WIZ: variants seen among roughly 807,000 people sequenced by gnomAD.
WIZ encodes WIZ zinc finger, also known as protein Wiz.
Under a neutral mutation model 140.2 loss-of-function variants are expected in WIZ, and 25 were observed. That is an observed-to-expected ratio of 0.18 (90% confidence interval 0.13 to 0.25). The LOEUF is 0.25. Ranked by LOEUF, WIZ falls within the 10% of genes least tolerant of loss-of-function variation. The pLI is 1.00. For synonymous variants in WIZ, 1,125 were observed against 1,154.3 expected (o/e 0.97, Z 0.51); for missense variants, 2,231 against 2,632.6 (o/e 0.85, Z 3.34).
intron 2 of WIZ, among the ~76,000 whole-genome samples, chr19:15,446,398 G>A (rs535409899): frequency 2.0e-5 from 3 of 152,280 alleles, no homozygotes; most frequent in Non-Finnish European, 4.4e-5. Flanking sequence ...CTGGCCGGCT[G>A]TGCGACCTGG....
chr19:15,437,675 A>G (rs1450770852), intron 4 of WIZ, among the ~76,000 whole-genome samples: 2 of 152,250 alleles, frequency 1.3e-5, no homozygotes, highest in Non-Finnish European at 2.9e-5. Flanking sequence ...GAAAGAAAGA[A>G]AAAGAAATGC....
intron 5 of WIZ, among the ~76,000 whole-genome samples, chr19:15,435,210 T>G (rs1336113210): frequency 6.6e-6 from 1 of 152,032 alleles, no homozygotes; most frequent in Non-Finnish European, 1.5e-5. Flanking sequence ...AGAGTGAGAC[T>G]CTGCCTCAAA....
rs1207881819 is a variant in WIZ, at chr19:15,427,059, C to G, written c.4289G>C (p.Gly1430Ala). 6.2e-7 allele frequency: 1 copy of G among 1,614,168 alleles called. No homozygotes were observed. Among genetic ancestry groups the G allele is most frequent in the East Asian group, 2.2e-5 (1 of 44,874 alleles). ...RVEIKREMLP[G>A]ALHGELHPSE... ...TGGGTGCAGTTCCCCATGAAGGGCC[C>G]CCGGCAGCATCTCCCGCTTGATCTC... The change falls in exon 9 of 13, where the codon GGG becomes GCG. Residue 1430 changes from glycine (G) to alanine (A), a missense_variant. By Grantham distance (60) the Gly-to-Ala change is moderately conservative (BLOSUM62 0). Coordinates refer to ENST00000673675, the MANE Select transcript of WIZ (RefSeq NM_001371589.1). The surrounding 1 kb of genome is among the most constrained non-coding windows in gnomAD (Gnocchi z 6.4).
In WIZ at chr19:15,438,846, G is replaced by T. The variant is rs1355617855; in HGVS notation, c.2148C>A (p.Pro716=). The T allele has an allele frequency of 1.4e-6, 2 of 1,480,824 alleles. No individual in the cohort carries two copies. Among genetic ancestry groups the T allele is most frequent in the East Asian group, 5.0e-5 (2 of 40,164 alleles). The allele number at this position is 1,480,824 out of a possible 1,614,324, so 91.7% of individuals were successfully genotyped here. ...PEELGLAGAH[P]LDFLLLDAPL... is the part of the protein sequence containing the mutation. ...GCGCGTCCAGGAGCAGGAAGTCCAG[G>T]GGGTGGGCGCCTGCCAGCCCCAGCT... is the stretch of plus-strand genomic sequence containing the variant. The change falls in exon 4 of 13, where the codon CCC becomes CCA. Residue 716 remains proline (P), a synonymous_variant. Coordinates refer to ENST00000673675, the MANE Select transcript of WIZ (RefSeq NM_001371589.1).
rs373837488 is a variant in WIZ, at chr19:15,448,174, C to G, written c.134G>C (p.Arg45Pro). Residue 45 changes from arginine (R) to proline (P), a missense_variant, in exon 2 of 13, where the codon CGG (arginine) becomes CCG (proline). By Grantham distance (103) the Arg-to-Pro change is moderately radical. Around this residue, in one of 15 missense-constraint regions of WIZ, gnomAD observed 85 missense variants for 90.9 expected, o/e 0.94. Transcript: ENST00000673675. Reference protein sequence around the residue: ...EAAEGEGGIFRSTRYLPVTKE... With the variant: ...EAAEGEGGIFPSTRYLPVTKE... ...GGTGACAGGCAGGTAACGGGTGGACCGGAAGATGCCACCTTCCCCCTCAGC... is the reference window on the plus strand; with the variant it reads ...GGTGACAGGCAGGTAACGGGTGGACGGGAAGATGCCACCTTCCCCCTCAGC... The G allele has an allele frequency of 9.9e-6, 16 of 1,612,766 alleles. No individual in the cohort carries two copies. The South Asian group carries it at 1.8e-4, about 18-fold the overall frequency.
rs751632665 is a variant in WIZ, at chr19:15,424,164, T to G, written c.5510+19A>C. On this transcript the variant is annotated intron_variant, in intron 12 of 12. Transcript: ENST00000673675. This position sits in a 1 kb window ranked among gnomAD's most constrained non-coding sequence, Gnocchi z 9.7. Reference sequence around the variant, plus strand: ...GGTCCACTCAGGTGGTCTCCCTCCCTCCCCCAGGGGCAGCCTACCTGCATT... The same window carrying G: ...GGTCCACTCAGGTGGTCTCCCTCCCGCCCCCAGGGGCAGCCTACCTGCATT... The G allele has an allele frequency of 6.7e-7, 1 of 1,485,580 alleles. No homozygotes were observed. Among genetic ancestry groups the G allele is most frequent in the Non-Finnish European group, 8.9e-7 (1 of 1,118,424 alleles). 92.0% of individuals were successfully genotyped at this position (1,485,580 alleles called of 1,614,324 possible). A position where few individuals can be genotyped will look rare whatever the true frequency, so the allele number is the denominator to read the frequency against.
At chr19:15,441,860 T>C (rs535868111) in intron 3 of WIZ, among the ~76,000 whole-genome samples, 1 of 152,280 alleles carries the variant, frequency 6.6e-6, no homozygotes, top group South Asian at 2.1e-4. Context: ...ATATTCTTGC[T>C]CATTCTGAGA....
Position 15,427,256 on chromosome 19 carries a change from G to A in WIZ, c.4092C>T (p.Arg1364=). The A allele has an allele frequency of 1.9e-6, 3 of 1,613,846 alleles. No homozygotes were observed. Among genetic ancestry groups the A allele is most frequent in the Non-Finnish European group, 2.5e-6 (3 of 1,180,028 alleles). The part of the protein sequence containing the change: ...GAGPGSSLEA[R]SPSDLHISPL... ...GTGAGATGTGAAGGTCCGAGGGGCT[G>A]CGGGCTTCCAGTGAGCTGCCAGGAC... The change falls in exon 9 of 13, where the codon CGC becomes CGT. Residue 1364 remains arginine (R), a synonymous_variant. Transcript: ENST00000673675. The surrounding 1 kb of genome is among the most constrained non-coding windows in gnomAD (Gnocchi z 6.4).
chr19:15,427,595 GA>G lies in WIZ; in HGVS notation c.3815-63del. On this transcript the variant is annotated intron_variant, in intron 8 of 12. Transcript: ENST00000673675. This position sits in a 1 kb window ranked among gnomAD's most constrained non-coding sequence, Gnocchi z 6.4. Reference sequence around the variant, plus strand: ...GAACTGCCAGCATGGTCACCTGCAGGAGTGTCCTGGTCGGCTGGGCGTGGGC... The same window carrying G: ...GAACTGCCAGCATGGTCACCTGCAGGGTGTCCTGGTCGGCTGGGCGTGGGC... The G allele has an allele frequency of 6.5e-7, 1 of 1,536,822 alleles. No individual in the cohort carries two copies. Among genetic ancestry groups the G allele is most frequent in the Non-Finnish European group, 8.8e-7 (1 of 1,141,880 alleles).
rs116604407 is a variant in WIZ, at chr19:15,430,711, C to T, written c.2911+301G>A. On this transcript the variant is annotated intron_variant, in intron 6 of 12. Transcript: ENST00000673675. ...AAATGGTGTCATGCGAGAGACTGCA[C>T]AGCTAGCAAAGGCCAGATTCAGCAA... 4.1e-3 allele frequency among the ~76,000 whole-genome samples: 620 copies of T among 150,842 alleles called. 3 individuals carry two copies. The highest frequency in any genetic ancestry group is 0.015 in the African/African-American group (598 of 40,904).
intron 5 of WIZ, among the ~76,000 whole-genome samples, chr19:15,431,405 C>T (rs1969228767): frequency 6.6e-6 from 1 of 152,342 alleles, no homozygotes; most frequent in South Asian, 2.1e-4. Flanking sequence ...CCACACACTA[C>T]AGCATGGACA....
At chr19:15,429,518 C>A in intron 7 of WIZ, 68 bp downstream of exon 7, 2 of 625,004 alleles carry the variant, frequency 3.2e-6, no homozygotes, top group East Asian at 6.7e-5. Flanking sequence ...CCCTGGGCTA[C>A]AGCCCAACCT....
In WIZ at chr19:15,439,418, C is replaced by G; in HGVS notation, c.1576G>C (p.Gly526Arg). The change falls in exon 4 of 13, where the codon GGC (glycine) becomes CGC (arginine). Residue 526 changes from glycine to arginine, a missense_variant. This residue lies in a region of WIZ where 475 missense variants were observed against 520.2 expected (regional missense o/e 0.91). Transcript: ENST00000673675. The surrounding 1 kb of genome is among the most constrained non-coding windows in gnomAD (Gnocchi z 7.0). ...CFPDTAVDYF[G>R]KAEPSLAPMW... ...GGGGCCAAGGACGGCTCAGCTTTGC[C>G]AAAGTAGTCCACAGCAGTGTCAGGG... 1 of 1,527,788 alleles carries G rather than the reference C, an allele frequency of 6.5e-7. No individual in the cohort carries two copies. The highest frequency in any genetic ancestry group is 8.8e-7 in the Non-Finnish European group (1 of 1,141,430). 94.6% of individuals were successfully genotyped at this position (1,527,788 alleles called of 1,614,324 possible).
rs902985038 is a variant in WIZ at position 15,439,551 on chromosome 19, C to A, written c.1443G>T (p.Glu481Asp). 1 of 1,510,264 alleles carries A rather than the reference C, an allele frequency of 6.6e-7. No individual in the cohort carries two copies. Among genetic ancestry groups the A allele is most frequent in the South Asian group, 1.2e-5 (1 of 81,958 alleles). The allele number at this position is 1,510,264 out of a possible 1,614,324, so 93.6% of individuals were successfully genotyped here. The stretch of plus-strand genomic sequence containing the variant: ...GATGGGCATGCACCAGCCTCACGTG[C>A]TCCCTGAGCAGGCTCTCGCTGGGCG... The part of the protein sequence containing the change: ...FPAPSESLLR[E>D]HVRLVHAHPH... Residue 481 changes from glutamate to aspartate, a missense_variant, in exon 4 of 13, where the codon GAG becomes GAT. Physicochemically the swap from Glu to Asp is conservative, Grantham distance 45. Transcript: ENST00000673675. The surrounding 1 kb of genome is among the most constrained non-coding windows in gnomAD (Gnocchi z 7.0).
Position 15,425,491 on chromosome 19 carries a change from T to G in WIZ, c.4644A>C (p.Pro1548=). Residue 1548 remains proline (P), a synonymous_variant, in exon 10 of 13, where the codon CCA becomes CCC. Coordinates refer to ENST00000673675, the MANE Select transcript of WIZ (RefSeq NM_001371589.1). ...PTVAPGPVQS[P]LPLSPLAGRP... ...GGCCAGCCAGGGGCGACAGCGGCAG[T>G]GGGGACTGCACGGGCCCAGGGGCCA... 1.2e-6 allele frequency: 2 copies of G among 1,608,578 alleles called. No individual in the cohort carries two copies.
In WIZ at chr19:15,426,767, G is replaced by A. The variant is rs554725514; in HGVS notation, c.4366+215C>T. 5.9e-5 allele frequency among the ~76,000 whole-genome samples: 9 copies of A among 152,356 alleles called. 1 individual carries two copies. In the South Asian group the frequency reaches 1.9e-3, roughly 32 times the overall value. ...TGGAATCTTTCTGCTGTCACTGAAT[G>A]ACACAATCCTGCTTCTCAAATGAAT... On this transcript the variant is annotated intron_variant, in intron 9 of 12. Coordinates refer to ENST00000673675, the MANE Select transcript of WIZ (RefSeq NM_001371589.1).
chr19:15,421,797 C>CTGCT lies in WIZ; in HGVS notation c.*1275_*1278dup, dbSNP rs1034205448. ...CTTTGATAAGCTCCTCTAGCCTCAA[C>CTGCT]TGCTTCTTGATCCTGGCTCCCTTCC... On this transcript the variant is annotated 3_prime_UTR_variant, in exon 13 of 13. Coordinates refer to ENST00000673675, the MANE Select transcript of WIZ (RefSeq NM_001371589.1). 55 of 152,408 alleles carry CTGCT rather than the reference C, an allele frequency of 3.6e-4. No individual in the cohort carries two copies. The highest frequency in any genetic ancestry group is 1.3e-3 in the African/African-American group (53 of 41,584). 9.4% of individuals were successfully genotyped at this position (152,408 alleles called of 1,614,324 possible).
At position 15,420,939 on chromosome 19, in the gene WIZ, A is replaced by AC. The variant is rs1968345040; in HGVS notation, c.*2136dup. The stretch of plus-strand genomic sequence containing the variant: ...AGACCAGCCCGGGCAACATGGTGAA[A>AC]CCCCCGTCTCTACAAAAATTACAGA... On this transcript the variant is annotated 3_prime_UTR_variant, in exon 13 of 13. Coordinates refer to ENST00000673675, the MANE Select transcript of WIZ (RefSeq NM_001371589.1). The AC allele has an allele frequency of 6.6e-6, 1 of 151,916 alleles. No individual in the cohort carries two copies. Among genetic ancestry groups the AC allele is most frequent in the Admixed American group, 6.6e-5 (1 of 15,244 alleles). The allele number at this position is 151,916 out of a possible 1,614,324, so 9.4% of individuals were successfully genotyped here.
Position 15,425,835 on chromosome 19 carries a change from AG to A in WIZ, c.4367-68del, listed in dbSNP as rs1171756594. ...GGAGGAGGGAGGAGGAGGGAGGAGG[AG>A]GGAGGAGGAGGAGGGAGGAGGGAGG... On this transcript the variant is annotated intron_variant, in intron 9 of 12. Transcript: ENST00000673675. 3.5e-3 allele frequency: 85 copies of A among 24,414 alleles called. 6 individuals are homozygous for A. The highest frequency in any genetic ancestry group is 0.017 in the East Asian group (20 of 1,160). The allele number at this position is 24,414 out of a possible 1,614,324, so 1.5% of individuals were successfully genotyped here.
Sources: allele counts gnomAD v4.1 joint callset (sites outside exome capture counted in the v4.1 genomes callset), GRCh38; gene constraint gnomAD v4.1.1; regional missense constraint gnomAD v4.1.1; non-coding constraint Gnocchi (gnomAD v3.1); transcripts MANE v1.5; gene names NCBI Gene and HGNC (gene_info 2026-07-23, HGNC 2026-07-21).